RGS12: variants seen among roughly 807,000 people sequenced by gnomAD.
The protein encoded by RGS12 is regulator of G protein signaling 12.
Under a neutral mutation model 120.1 loss-of-function variants are expected in RGS12, and 66 were observed. The ratio of observed to expected loss-of-function variants is 0.55; its 90% CI spans 0.45 to 0.67. The LOEUF (loss-of-function observed/expected upper bound fraction) is 0.67, where lower values mean the gene tolerates loss of function less well. Ranked by LOEUF, RGS12 falls within the 30% of genes least tolerant of loss-of-function variation. The pLI, the probability that RGS12 is intolerant of heterozygous loss-of-function variation, is 0.00. For missense variants in RGS12, 1,859 were observed against 1,957.7 expected, an observed-to-expected ratio of 0.95 and a Z score of 0.95; for synonymous variants, 827 against 804.7, an observed-to-expected ratio of 1.03 and a Z score of -0.47.
chr4:3,417,234 G>A (rs932311165), intron 8 of RGS12, 142 bp downstream of exon 8: 2 of 1,304,094 alleles, frequency 1.5e-6, no homozygotes, highest in Non-Finnish European at 2.1e-6. Context: ...TCCAGCTGCT[G>A]TCTGGAGTCC....
chr4:3,302,059 A>G (rs1013265542), intron 1 of RGS12, among the ~76,000 whole-genome samples: 3 of 152,134 alleles, frequency 2.0e-5, no homozygotes, highest in Non-Finnish European at 4.4e-5. Context: ...TAAAAACCAC[A>G]AACAGAAGTA....
intron 12 of RGS12, among the ~76,000 whole-genome samples, 176 bp downstream of exon 12, chr4:3,423,154 C>G (rs112420198): frequency 1.1e-3 from 173 of 152,266 alleles, no homozygotes; most frequent in Non-Finnish European, 1.9e-3. Flanking sequence ...CCTACAAGCC[C>G]GGGGGTGAGA....
intron 3 of RGS12, among the ~76,000 whole-genome samples, chr4:3,349,855 T>A (rs1714196549): frequency 1.3e-5 from 2 of 152,336 alleles, no homozygotes; most frequent in African/African-American, 4.8e-5. Flanking sequence ...AATGTATGTT[T>A]TAGTACTTTA....
At chr4:3,362,058 G>A (rs1213457593) in intron 3 of RGS12, among the ~76,000 whole-genome samples, 3 of 152,222 alleles carry the variant, frequency 2.0e-5, no homozygotes, top group African/African-American at 7.2e-5. Context: ...GCCCCGAGGG[G>A]GATGGAGGGC....
At chr4:3,323,397 G>A (rs933044829) in intron 2 of RGS12, among the ~76,000 whole-genome samples, 6 of 152,258 alleles carry the variant, frequency 3.9e-5, no homozygotes, top group African/African-American at 1.2e-4. Context: ...CGCTCCGCGC[G>A]GGGAGCTGCA....
At chr4:3,309,373 C>T (rs1222329825) in intron 1 of RGS12, among the ~76,000 whole-genome samples, 60 of 131,940 alleles carry the variant, frequency 4.5e-4, no homozygotes, top group Non-Finnish European at 6.8e-4. Flanking sequence ...TGAGGGGAAC[C>T]GTGCAGGGGA....
At chr4:3,323,032 C>T (rs1483723690) in intron 2 of RGS12, among the ~76,000 whole-genome samples, 1 of 152,214 alleles carries the variant, frequency 6.6e-6, no homozygotes, top group East Asian at 1.9e-4. Context: ...CCTGCATCAC[C>T]TGAAGTACAT....
chr4:3,319,223 A>G (rs1725019503), intron 2 of RGS12, among the ~76,000 whole-genome samples: 1 of 152,094 alleles, frequency 6.6e-6, no homozygotes, highest in South Asian at 2.1e-4. Flanking sequence ...CCAGGAGTTC[A>G]AGACTGCCGT....
chr4:3,346,932 A>G (rs1713851999), intron 3 of RGS12, among the ~76,000 whole-genome samples: 1 of 152,174 alleles, frequency 6.6e-6, no homozygotes, highest in Non-Finnish European at 1.5e-5. Context: ...GATTCCAGAC[A>G]AGGCATTGGG....
At chr4:3,398,467 AAAAC>A (rs1020225053) in intron 4 of RGS12, among the ~76,000 whole-genome samples, 5 of 152,360 alleles carry the variant, frequency 3.3e-5, no homozygotes, top group East Asian at 1.9e-4. Flanking sequence ...ACTCCTTCTG[AAAAC>A]AAACAAACAA....
intron 2 of RGS12, among the ~76,000 whole-genome samples, chr4:3,326,163 C>T (rs563013872): frequency 6.6e-6 from 1 of 152,284 alleles, no homozygotes; most frequent in South Asian, 2.1e-4. Flanking sequence ...ACTGGAAGTC[C>T]TAGCCAGAGC....
chr4:3,305,214 G>T (rs1357978310), intron 1 of RGS12, among the ~76,000 whole-genome samples: 2 of 152,190 alleles, frequency 1.3e-5, no homozygotes, highest in African/African-American at 4.8e-5. Flanking sequence ...CCTCATCTTG[G>T]AAGTGACATC....
intron 5 of RGS12, chr4:3,414,508 C>T: frequency 1.7e-6 from 1 of 598,960 alleles, no homozygotes; most frequent in Non-Finnish European, 2.9e-6. Context: ...ACTGGAGCTT[C>T]CTATCTGTGT....
intron 2 of RGS12, among the ~76,000 whole-genome samples, chr4:3,328,279 T>C (rs945266381): frequency 1.3e-5 from 2 of 152,208 alleles, no homozygotes; most frequent in Admixed American, 1.3e-4. Flanking sequence ...GAGACACTTC[T>C]GAATGGGTGC....
At chr4:3,425,188 C>T (rs187897452) in intron 13 of RGS12, among the ~76,000 whole-genome samples, 5 of 152,280 alleles carry the variant, frequency 3.3e-5, no homozygotes, top group Non-Finnish European at 5.9e-5. Context: ...CTCATAGCAG[C>T]GTCCGAGGGT....
intron 1 of RGS12, among the ~76,000 whole-genome samples, chr4:3,311,061 C>T (rs914640324): frequency 3.9e-5 from 6 of 152,074 alleles, no homozygotes; most frequent in African/African-American, 4.8e-5. Context: ...AAGTCCTGGC[C>T]GTGGCGGCTG....
intron 3 of RGS12, among the ~76,000 whole-genome samples, chr4:3,344,329 G>A (rs936782688): frequency 1.3e-5 from 2 of 152,190 alleles, no homozygotes; most frequent in African/African-American, 4.8e-5. Flanking sequence ...CGGCTGCAAT[G>A]GGGTGCTCAT....
Position 3,417,085 on chromosome 4 carries a change from C to T in RGS12, c.2600C>T (p.Pro867Leu), listed in dbSNP as rs1383912178. 1.9e-6 allele frequency: 3 copies of T among 1,598,652 alleles called. No individual in the cohort carries two copies. The highest frequency in any genetic ancestry group is 2.2e-5 in the East Asian group (1 of 44,530). ...TCAGACCACTCCAGTGTGTCCACGC[C>T]AAAAAAGGTGACCTCCCCGAGGCTG... ...LGSDHSSVST[P>L]KKLSGKSKSG... Residue 867 changes from proline to leucine, a missense_variant, in exon 8 of 18, where the codon CCA (proline) becomes CTA (leucine). Physicochemically the swap from Pro to Leu is moderately conservative, Grantham distance 98. Transcript: ENST00000336727.
At chr4:3,424,685 G>A (rs538791836) in intron 13 of RGS12, among the ~76,000 whole-genome samples, 2 of 152,330 alleles carry the variant, frequency 1.3e-5, no homozygotes, top group Admixed American at 6.5e-5. Flanking sequence ...CCGAGGCTGT[G>A]GGGGCTATGG....
Sources: gnomAD v4.1 joint callset for allele counts (sites outside exome capture counted in the v4.1 genomes callset) on GRCh38, gnomAD v4.1.1 for gene constraint, MANE v1.5 for transcripts, NCBI Gene and HGNC (gene_info 2026-07-23, HGNC 2026-07-21) for gene names.